The following MMP16 variants were observed in gnomAD, a reference collection of about 807,000 sequenced individuals.
MMP16 encodes the protein matrix metallopeptidase 16.
MMP16 carries 12 observed loss-of-function variants against 67.8 expected under a neutral mutation model. That is an observed-to-expected ratio of 0.18 (90% CI 0.11 to 0.29). MMP16 has a LOEUF of 0.29. MMP16 is among the 10% of genes least tolerant of loss of function. The probability of loss-of-function intolerance (pLI) is 1.00; values close to 1 mark genes in which losing one functional copy is unlikely to be tolerated. For missense variants in MMP16, 475 were observed against 765.7 expected, an observed-to-expected ratio of 0.62 and a Z score of 4.48; for synonymous variants, 249 against 255.9, an observed-to-expected ratio of 0.97 and a Z score of 0.26.
At chr8:88,056,879 C>T (rs1808339604) in intron 7 of MMP16, among the ~76,000 whole-genome samples, 1 of 152,138 alleles carries the variant, frequency 6.6e-6, no homozygotes, top group South Asian at 2.1e-4. Flanking sequence ...TTAACCTTAA[C>T]CATGTTTGGA....
chr8:88,289,689 AACACACACAC>A (rs4043664), intron 1 of MMP16, among the ~76,000 whole-genome samples: 10,023 of 144,172 alleles, frequency 0.07, 530 homozygotes, highest in African/African-American at 0.12. Context: ...TCCTAGAGGA[AACACACACAC>A]ACACACACAC....
intron 1 of MMP16, among the ~76,000 whole-genome samples, chr8:88,249,543 C>T (rs1443550412): frequency 6.6e-6 from 1 of 152,138 alleles, no homozygotes; most frequent in African/African-American, 2.4e-5. Flanking sequence ...CTTGGAGTAA[C>T]TTTCCCACCT....
At chr8:88,077,124 G>T (rs973310231) in intron 6 of MMP16, among the ~76,000 whole-genome samples, 5 of 152,182 alleles carry the variant, frequency 3.3e-5, no homozygotes, top group Non-Finnish European at 5.9e-5. Flanking sequence ...AACTGCAGAT[G>T]AATTCCACTG....
intron 1 of MMP16, among the ~76,000 whole-genome samples, chr8:88,230,063 G>A (rs759432163): frequency 6.6e-6 from 1 of 152,068 alleles, no homozygotes; most frequent in Non-Finnish European, 1.5e-5. Context: ...TAAAAGCTAA[G>A]TGTCACATAC....
chr8:88,288,601 AT>A (rs1429319759), intron 1 of MMP16, among the ~76,000 whole-genome samples: 2 of 152,198 alleles, frequency 1.3e-5, no homozygotes, highest in East Asian at 1.9e-4. Flanking sequence ...TAAAGAGTCC[AT>A]TTTTTGTATT....
chr8:88,260,561 C>G (rs927351898), intron 1 of MMP16, among the ~76,000 whole-genome samples: 5 of 151,984 alleles, frequency 3.3e-5, no homozygotes, highest in Non-Finnish European at 5.9e-5. Context: ...GATATTATCT[C>G]TCCATAGTCT....
chr8:88,073,345 G>A (rs1378706843), intron 7 of MMP16, among the ~76,000 whole-genome samples: 3 of 152,188 alleles, frequency 2.0e-5, no homozygotes, highest in Non-Finnish European at 4.4e-5. Flanking sequence ...GGAATAGCTG[G>A]CATTTATTGA....
chr8:88,251,005 C>T (rs1035391992), intron 1 of MMP16, among the ~76,000 whole-genome samples: 11 of 149,764 alleles, frequency 7.3e-5, no homozygotes, highest in African/African-American at 2.7e-4. Flanking sequence ...TCAATTCCCA[C>T]CTATGAGTGA....
At chr8:88,065,895 C>T (rs977482063) in intron 7 of MMP16, among the ~76,000 whole-genome samples, 2 of 152,052 alleles carry the variant, frequency 1.3e-5, no homozygotes, top group African/African-American at 2.4e-5. Flanking sequence ...TTTCCAGCAC[C>T]GAGTATTTTA....
chr8:88,217,841 T>C (rs372778606), intron 1 of MMP16, among the ~76,000 whole-genome samples: 3 of 152,206 alleles, frequency 2.0e-5, no homozygotes, highest in Middle Eastern at 3.4e-3. Flanking sequence ...ATAAATCACA[T>C]GGCTGAGCCA....
intron 1 of MMP16, among the ~76,000 whole-genome samples, chr8:88,249,807 G>C (rs746577928): frequency 1.3e-5 from 2 of 151,954 alleles, no homozygotes; most frequent in African/African-American, 4.8e-5. Flanking sequence ...GGAGCAACAG[G>C]GTTGGCACAC....
intron 8 of MMP16, among the ~76,000 whole-genome samples, chr8:88,055,516 A>G (rs1188957408): frequency 6.6e-6 from 1 of 152,202 alleles, no homozygotes; most frequent in Admixed American, 6.5e-5. Context: ...CCTTACTGTA[A>G]GTTTTAAAGT....
chr8:88,119,378 C>T (rs933122888), intron 4 of MMP16, among the ~76,000 whole-genome samples: 7 of 151,938 alleles, frequency 4.6e-5, no homozygotes, highest in African/African-American at 7.2e-5. Context: ...TAGACTAAAG[C>T]TTTATTTTTT....
At chr8:88,240,703 C>T (rs1810020268) in intron 1 of MMP16, among the ~76,000 whole-genome samples, 1 of 151,992 alleles carries the variant, frequency 6.6e-6, no homozygotes, top group African/African-American at 2.4e-5. Context: ...GGAAATTGTT[C>T]CAGTTCATCT....
At chr8:88,225,845 G>T (rs1347423977) in intron 1 of MMP16, among the ~76,000 whole-genome samples, 1 of 151,864 alleles carries the variant, frequency 6.6e-6, no homozygotes, top group African/African-American at 2.4e-5. Context: ...TGTCTATTTT[G>T]TATGGGACAC....
intron 1 of MMP16, among the ~76,000 whole-genome samples, chr8:88,264,597 CAAGTACCTCCTAA>C (rs1420931896): frequency 6.6e-6 from 1 of 152,152 alleles, no homozygotes; most frequent in African/African-American, 2.4e-5. Flanking sequence ...CATTATGAAG[CAAGTACCTCCTAA>C]GTGTCGGGCA....
intron 6 of MMP16, among the ~76,000 whole-genome samples, chr8:88,093,157 A>C (rs1386605215): frequency 6.6e-6 from 1 of 151,826 alleles, no homozygotes; most frequent in Non-Finnish European, 1.5e-5. Context: ...AACTTAACAC[A>C]TGTAACAATG....
At position 88,327,275 on chromosome 8, in the gene MMP16, C is replaced by G; in HGVS notation, c.-69G>C. On this transcript the variant is annotated 5_prime_UTR_variant, in exon 1 of 10. Transcript: ENST00000286614. ...CTCCCTCTCTCCCTCTCCCTCCCTCCCTCGTTTCCTTTCAAAAAAAAGTCC... is the reference window on the plus strand; with the variant it reads ...CTCCCTCTCTCCCTCTCCCTCCCTCGCTCGTTTCCTTTCAAAAAAAAGTCC... 1 of 1,597,524 alleles carries G rather than the reference C, an allele frequency of 6.3e-7. No homozygotes were observed. The highest frequency in any genetic ancestry group is 8.6e-7 in the Non-Finnish European group (1 of 1,168,664).
intron 1 of MMP16, among the ~76,000 whole-genome samples, chr8:88,290,481 A>G (rs567454162): frequency 9.0e-4 from 137 of 152,226 alleles, no homozygotes; most frequent in Non-Finnish European, 1.5e-3. Context: ...TGAACCTGGG[A>G]GGCAGAGCTT....
Sources: allele counts gnomAD v4.1 joint callset (sites outside exome capture counted in the v4.1 genomes callset), GRCh38; gene constraint gnomAD v4.1.1; transcripts MANE v1.5; gene names NCBI Gene and HGNC (gene_info 2026-07-23, HGNC 2026-07-21).